Variants in EFHC1 observed in about 807,000 individuals in gnomAD.
The protein encoded by EFHC1 is EF-hand domain-containing protein 1.
EFHC1 carries 53 observed loss-of-function variants against 69.9 expected under a neutral mutation model. That is an observed-to-expected ratio of 0.76 (90% CI 0.61 to 0.95). EFHC1 has a LOEUF of 0.95. EFHC1 is among the 40% of genes least tolerant of loss of function. The pLI is 0.00. For synonymous variants in EFHC1, 256 were observed against 278.4 expected, an observed-to-expected ratio of 0.92 and a Z score of 0.80; for missense variants, 739 against 798.7, an observed-to-expected ratio of 0.93 and a Z score of 0.90.
chr6:52,470,736 C>T (rs1270112333), intron 7 of EFHC1, among the ~76,000 whole-genome samples: 1 of 152,138 alleles, frequency 6.6e-6, no homozygotes, highest in Non-Finnish European at 1.5e-5. Context: ...AGTCTGTAAA[C>T]TGCAAAATTG....
chr6:52,431,044 T>G (rs570672775), intron 2 of EFHC1, among the ~76,000 whole-genome samples: 3 of 152,232 alleles, frequency 2.0e-5, no homozygotes, highest in African/African-American at 7.2e-5. Flanking sequence ...AGTTGTAATA[T>G]CTTCCATTTT....
intron 2 of EFHC1, among the ~76,000 whole-genome samples, chr6:52,434,884 C>CAT (rs59802769): frequency 0.2 from 29,844 of 148,554 alleles, 3,125 homozygotes; most frequent in Middle Eastern, 0.33. Context: ...TACCTGAGAC[C>CAT]ATATATATAT....
chr6:52,490,011 T>C (rs1218548930), intron 9 of EFHC1, 129 bp from the exon 10 acceptor site: 1 of 850,408 alleles, frequency 1.2e-6, no homozygotes, highest in South Asian at 1.5e-5. Context: ...TGTTCAGTTA[T>C]TGGTCAGCTC....
At chr6:52,462,885 CAAA>C (rs777016070) in intron 5 of EFHC1, among the ~76,000 whole-genome samples, 2 of 85,420 alleles carry the variant, frequency 2.3e-5, no homozygotes, top group African/African-American at 4.2e-5. Flanking sequence ...AAGACTGTCT[CAAA>C]AAAAAAAAAA....
intron 7 of EFHC1, among the ~76,000 whole-genome samples, chr6:52,477,484 G>C (rs1319042332): frequency 6.6e-6 from 1 of 152,060 alleles, no homozygotes; most frequent in African/African-American, 2.4e-5. Context: ...CTTCCTTAGG[G>C]GTTGTGTGAT....
chr6:52,422,989 T>TTACTCATG (rs1435652586), intron 1 of EFHC1, among the ~76,000 whole-genome samples: 3 of 152,214 alleles, frequency 2.0e-5, no homozygotes, highest in African/African-American at 7.2e-5. Context: ...TTTCGATCAT[T>TTACTCATG]TACTCATGTC....
chr6:52,438,112 G>A (rs1349272315), intron 2 of EFHC1, among the ~76,000 whole-genome samples, 192 bp from the exon 3 acceptor site: 1 of 152,118 alleles, frequency 6.6e-6, no homozygotes, highest in East Asian at 1.9e-4. Context: ...AAAAACAGGT[G>A]GCAGGTTAGA....
rs904356094 is a variant in EFHC1 at position 52,492,960 on chromosome 6, C to T, written c.*619C>T. On this transcript the variant is annotated 3_prime_UTR_variant, in exon 11 of 11. Transcript: ENST00000371068. ...TGGGGGTTTCTCTGAAGGTATTTTTCGATGAGATAAACATTTGAATCAGAA... is the reference window on the plus strand; with the variant it reads ...TGGGGGTTTCTCTGAAGGTATTTTTTGATGAGATAAACATTTGAATCAGAA... 1 of 453,842 alleles carries T rather than the reference C, an allele frequency of 2.2e-6. No individual in the cohort carries two copies. Among genetic ancestry groups the T allele is most frequent in the East Asian group, 6.9e-5 (1 of 14,412 alleles). The allele number at this position is 453,842 out of a possible 1,614,324, so 28.1% of individuals were successfully genotyped here.
intron 6 of EFHC1, among the ~76,000 whole-genome samples, chr6:52,465,885 G>C (rs1765296382): frequency 6.8e-6 from 1 of 147,668 alleles, no homozygotes; most frequent in East Asian, 2.0e-4. Flanking sequence ...AAATCATATT[G>C]TTTATAATAT....
intron 1 of EFHC1, among the ~76,000 whole-genome samples, chr6:52,423,217 A>T (rs1309032664): frequency 2.0e-5 from 3 of 152,248 alleles, no homozygotes; most frequent in Non-Finnish European, 4.4e-5. Context: ...AGGTAAAAAT[A>T]AATTCATTCC....
intron 9 of EFHC1, chr6:52,486,731 T>A (rs1477877364): frequency 6.6e-6 from 1 of 152,212 alleles, no homozygotes; most frequent in Non-Finnish European, 1.5e-5. Flanking sequence ...TTGTCAGAGA[T>A]AAGTAACTCC....
At chr6:52,491,596 C>T (rs1367884210) in intron 10 of EFHC1, among the ~76,000 whole-genome samples, 9 of 152,318 alleles carry the variant, frequency 5.9e-5, no homozygotes, top group Middle Eastern at 3.4e-3. Context: ...CAGACTGCCA[C>T]GGTTACTTGA....
At chr6:52,453,355 C>T (rs1261905833) in intron 4 of EFHC1, 1 of 1,287,174 alleles carries the variant, frequency 7.8e-7, no homozygotes, top group African/African-American at 1.5e-5. Context: ...CTGTTCCAAC[C>T]TTCCTAATCC....
intron 9 of EFHC1, chr6:52,482,922 A>G (rs1330820605): frequency 1.0e-5 from 4 of 398,314 alleles, no homozygotes; most frequent in African/African-American, 2.1e-5. Flanking sequence ...TCTTTGCTGT[A>G]CTTTCATCCT....
chr6:52,464,879 C>T lies in EFHC1; in HGVS notation c.917-16C>T, dbSNP rs1017663393. 4 of 1,603,508 alleles carry T rather than the reference C, an allele frequency of 2.5e-6. No homozygotes were observed. In the Admixed American group the frequency reaches 6.7e-5, roughly 27 times the overall value. The stretch of plus-strand genomic sequence containing the variant: ...TCATTCCTTCTTTTTTTCTCTCTAA[C>T]ACCATCTTATATTAGAGAACTTCCC... On this transcript the variant is annotated splice_polypyrimidine_tract_variant and intron_variant, in intron 5 of 10. Coordinates refer to ENST00000371068, the MANE Select transcript of EFHC1 (RefSeq NM_018100.4).
chr6:52,433,519 T>C (rs1005611584), intron 2 of EFHC1, among the ~76,000 whole-genome samples: 2 of 152,222 alleles, frequency 1.3e-5, no homozygotes. Context: ...CAGAGTCCTG[T>C]GCTGTGAGCC....
At position 52,467,470 on chromosome 6, in the gene EFHC1, C is replaced by T. The variant is rs529297728; in HGVS notation, c.1138-1863C>T. On this transcript the variant is annotated intron_variant, in intron 6 of 10. Coordinates refer to ENST00000371068, the MANE Select transcript of EFHC1 (RefSeq NM_018100.4). ...TGCTAGTATTACAGGCATGAGCCAC[C>T]GCACCGGCCTGATCTGTCTTTTGAG... Among the ~76,000 whole-genome samples, 53 of 152,170 alleles carry T rather than the reference C, an allele frequency of 3.5e-4. 1 individual carries two copies. The South Asian group carries it at 0.011, about 32-fold the overall frequency.
chr6:52,493,605 C>G lies in EFHC1; in HGVS notation c.*1264C>G, dbSNP rs539467431. ...AGGCAGAGGTTGCAGTGAGCCAAGA[C>G]CACGCCACTGCACTCCATCCAGCCT... On this transcript the variant is annotated 3_prime_UTR_variant, in exon 11 of 11. Transcript: ENST00000371068. 48 of 451,768 alleles carry G rather than the reference C, an allele frequency of 1.1e-4. 1 individual carries two copies. Among genetic ancestry groups the G allele is most frequent in the South Asian group, 7.5e-4 (48 of 64,208 alleles). 28.0% of individuals were successfully genotyped at this position (451,768 alleles called of 1,614,324 possible). A position where few individuals can be genotyped will look rare whatever the true frequency, so the allele number is the denominator to read the frequency against.
chr6:52,457,567 A>G (rs1765070989), intron 5 of EFHC1, among the ~76,000 whole-genome samples: 1 of 152,352 alleles, frequency 6.6e-6, no homozygotes, highest in Non-Finnish European at 1.5e-5. Flanking sequence ...TCAAAATTAT[A>G]TATTTATAAT....
Sources: gnomAD v4.1 joint callset for allele counts (sites outside exome capture counted in the v4.1 genomes callset) on GRCh38, gnomAD v4.1.1 for gene constraint, MANE v1.5 for transcripts, NCBI Gene and HGNC (gene_info 2026-07-23, HGNC 2026-07-21) for gene names.